BAZ2B: variants seen among roughly 807,000 people sequenced by gnomAD.
BAZ2B encodes bromodomain adjacent to zinc finger domain 2B, also known as bromodomain adjacent to zinc finger domain protein 2B.
Under a neutral mutation model 246.0 loss-of-function variants are expected in BAZ2B, and 91 were observed. The ratio of observed to expected loss-of-function variants is 0.37; its 90% confidence interval spans 0.31 to 0.44. BAZ2B has a LOEUF of 0.44. Among genes scored for constraint, BAZ2B ranks in the 20% least tolerant of loss-of-function variants. The pLI, the probability that BAZ2B is intolerant of heterozygous loss-of-function variation, is 1.00. For synonymous variants in BAZ2B, 855 were observed against 860.0 expected (o/e 0.99, Z 0.10); for missense variants, 2,332 against 2,533.7 (o/e 0.92, Z 1.71).
chr2:159,496,109 C>T (rs1488487727), intron 2 of BAZ2B, among the ~76,000 whole-genome samples: 1 of 149,412 alleles, frequency 6.7e-6, no homozygotes, highest in Middle Eastern at 3.4e-3. Context: ...AGCACGGTGG[C>T]TCACGCCTGT....
At chr2:159,601,769 C>G (rs939315064) in intron 1 of BAZ2B, among the ~76,000 whole-genome samples, 2 of 151,962 alleles carry the variant, frequency 1.3e-5, no homozygotes, top group African/African-American at 2.4e-5. Context: ...TTAACATGAT[C>G]TTTAAAAATA....
chr2:159,483,022 A>G (rs900895939), intron 2 of BAZ2B, among the ~76,000 whole-genome samples: 1 of 152,148 alleles, frequency 6.6e-6, no homozygotes, highest in Non-Finnish European at 1.5e-5. Context: ...TTGGGTTCCA[A>G]ATGATCACGA....
intron 36 of BAZ2B, 116 bp downstream of exon 36, chr2:159,324,695 T>A: frequency 2.4e-5 from 11 of 462,302 alleles, no homozygotes; most frequent in East Asian, 4.3e-5. Flanking sequence ...CACACCTGCC[T>A]CAAAGGCAGG....
the BAZ2B span, among the ~76,000 whole-genome samples, chr2:159,701,063 C>T: frequency 7.2e-5 from 11 of 152,244 alleles, no homozygotes; most frequent in South Asian, 2.3e-3. Flanking sequence ...AAAAATATTA[C>T]AAAACTTCGT....
At chr2:159,525,459 A>G (rs1449918171) in intron 2 of BAZ2B, among the ~76,000 whole-genome samples, 1 of 152,206 alleles carries the variant, frequency 6.6e-6, no homozygotes, top group Non-Finnish European at 1.5e-5. Context: ...GAAAAATTCC[A>G]TACCTGACCT....
the BAZ2B span, among the ~76,000 whole-genome samples, chr2:159,704,736 C>A: frequency 1.3e-5 from 2 of 152,078 alleles, no homozygotes; most frequent in Non-Finnish European, 2.9e-5. Flanking sequence ...CCCGCCTCGG[C>A]TTCCCAAAGT....
intron 1 of BAZ2B, among the ~76,000 whole-genome samples, chr2:159,591,523 T>C (rs1689390778): frequency 6.6e-6 from 1 of 152,194 alleles, no homozygotes; most frequent in Non-Finnish European, 1.5e-5. Flanking sequence ...GCATATACAG[T>C]AATTTAATTT....
At chr2:159,704,780 G>GT in the BAZ2B span, among the ~76,000 whole-genome samples, 8 of 151,482 alleles carry the variant, frequency 5.3e-5, no homozygotes, top group Admixed American at 6.6e-5. Context: ...CCGCATTTGG[G>GT]TTTTTTTTGT....
At chr2:159,376,934 C>T (rs1380515363) in intron 25 of BAZ2B, among the ~76,000 whole-genome samples, 2 of 152,100 alleles carry the variant, frequency 1.3e-5, no homozygotes, top group Non-Finnish European at 2.9e-5. Flanking sequence ...AGTCACAGTT[C>T]CCCAACCAAA....
At chr2:159,326,061 A>C in intron 34 of BAZ2B, 143 bp from the exon 35 acceptor site, 2 of 702,638 alleles carry the variant, frequency 2.8e-6, no homozygotes, top group South Asian at 5.4e-5. Flanking sequence ...ATTCTTAAGA[A>C]AGATCTGTGT....
chr2:159,690,868 T>C, the BAZ2B span, among the ~76,000 whole-genome samples: 13 of 118,978 alleles, frequency 1.1e-4, no homozygotes, highest in African/African-American at 3.5e-4. Flanking sequence ...GTTGTACTTC[T>C]ACTGATTCCT....
intron 1 of BAZ2B, among the ~76,000 whole-genome samples, chr2:159,613,956 C>G (rs1695279049): frequency 6.6e-6 from 1 of 152,148 alleles, no homozygotes. Context: ...GTGTGTTACA[C>G]AAACCTTTTC....
chr2:159,494,623 C>A (rs1375850517), intron 2 of BAZ2B, among the ~76,000 whole-genome samples: 1 of 152,118 alleles, frequency 6.6e-6, no homozygotes, highest in African/African-American at 2.4e-5. Flanking sequence ...CAGTCTATGA[C>A]AAAGAAATAT....
chr2:159,686,898 TGGGCATGGTGGCG>T, the BAZ2B span, among the ~76,000 whole-genome samples: 1 of 151,872 alleles, frequency 6.6e-6, no homozygotes, highest in South Asian at 2.1e-4. Context: ...AAAAATTAGC[TGGGCATGGTGGCG>T]GGTGCCTGTA....
intron 1 of BAZ2B, among the ~76,000 whole-genome samples, chr2:159,606,888 T>C (rs1202350347): frequency 1.3e-5 from 2 of 151,462 alleles, no homozygotes; most frequent in African/African-American, 2.4e-5. Context: ...TTTTAAATCT[T>C]TCCTTTTTCA....
At chr2:159,659,152 G>A in the BAZ2B span, among the ~76,000 whole-genome samples, 1 of 152,112 alleles carries the variant, frequency 6.6e-6, no homozygotes, top group Non-Finnish European at 1.5e-5. Context: ...GAATGTTTCT[G>A]TTCCGTTTCT....
At position 159,432,803 on chromosome 2, in the gene BAZ2B, T is replaced by C. The variant is rs373780987; in HGVS notation, c.1854A>G (p.Glu618=). The C allele has an allele frequency of 1.2e-6, 2 of 1,613,588 alleles. No homozygotes were observed. Among genetic ancestry groups the C allele is most frequent in the South Asian group, 1.1e-5 (1 of 91,028 alleles). ...CATCATCTTCATCATCTTCCTCATCTTCTTCTTCATCATCTTCCTCTTCAT... is the reference window on the plus strand; with the variant it reads ...CATCATCTTCATCATCTTCCTCATCCTCTTCTTCATCATCTTCCTCTTCAT... ...NEDEEEDDEE[E]DEEDDEDDES... The change falls in exon 9 of 37, where the codon GAA becomes GAG. Residue 618 remains glutamate (E), a synonymous_variant. Coordinates refer to ENST00000392783, the MANE Select transcript of BAZ2B (RefSeq NM_013450.4).
In BAZ2B at chr2:159,347,478, G is replaced by A. The variant is rs190890368; in HGVS notation, c.5454+8C>T. On this transcript the variant is annotated splice_region_variant and intron_variant, in intron 31 of 36. Transcript: ENST00000392783. ...CTAAAAACATATTTTATTCCAAGTC[G>A]ATTTTACCTTCACTTGCAAACTTGC... The A allele has an allele frequency of 6.2e-6, 10 of 1,611,820 alleles. No homozygotes were observed. In the Admixed American group the frequency reaches 1.0e-4, roughly 16 times the overall value.
At chr2:159,549,249 C>T (rs944017306) in intron 2 of BAZ2B, among the ~76,000 whole-genome samples, 1 of 152,180 alleles carries the variant, frequency 6.6e-6, no homozygotes, top group African/African-American at 2.4e-5. Flanking sequence ...CCACTGCACT[C>T]CAGCCTGGGC....
Sources: allele counts gnomAD v4.1 joint callset (sites outside exome capture counted in the v4.1 genomes callset), GRCh38; gene constraint gnomAD v4.1.1; transcripts MANE v1.5; gene names NCBI Gene and HGNC (gene_info 2026-07-23, HGNC 2026-07-21).